FGGY: variants seen among roughly 807,000 people sequenced by gnomAD.
The protein encoded by FGGY is FGGY carbohydrate kinase domain-containing protein.
FGGY carries 72 observed loss-of-function variants against 71.3 expected under a neutral mutation model. That is an observed-to-expected ratio of 1.01 (90% CI 0.84 to 1.23). The LOEUF is 1.23. Ranked by LOEUF, FGGY falls within the 50% of genes most tolerant of loss-of-function variation. FGGY has a pLI of 0.00. For missense variants in FGGY, 668 were observed against 682.3 expected (o/e 0.98, Z 0.23); for synonymous variants, 251 against 250.3 (o/e 1.00, Z -0.02).
intron 8 of FGGY, among the ~76,000 whole-genome samples, chr1:59,598,824 T>C (rs544372854): frequency 6.6e-6 from 1 of 152,366 alleles, no homozygotes; most frequent in Admixed American, 6.5e-5. Flanking sequence ...GTCATTGTCC[T>C]GTTAATGATA....
intron 7 of FGGY, among the ~76,000 whole-genome samples, chr1:59,533,978 G>A (rs547908123): frequency 3.3e-5 from 5 of 152,346 alleles, no homozygotes; most frequent in African/African-American, 4.8e-5. Flanking sequence ...AAAGCTGGAC[G>A]GAGAATGACT....
At chr1:59,438,947 A>G (rs1015692023) in intron 5 of FGGY, among the ~76,000 whole-genome samples, 2 of 152,106 alleles carry the variant, frequency 1.3e-5, no homozygotes, top group Admixed American at 6.5e-5. Context: ...ACGGTTCTGC[A>G]TCTTTGTCTA....
intron 6 of FGGY, among the ~76,000 whole-genome samples, chr1:59,465,312 A>G (rs2153531580): frequency 6.6e-6 from 1 of 152,026 alleles, no homozygotes. Flanking sequence ...TTAACAGTAC[A>G]TAATGCTAAA....
chr1:59,667,526 T>G, intron 13 of FGGY, 123 bp downstream of exon 13: 5 of 1,213,902 alleles, frequency 4.1e-6, no homozygotes, highest in Non-Finnish European at 5.8e-6. Context: ...AGAATAATCC[T>G]GAAGTCTTTA....
chr1:59,756,227 C>A (rs781599596), intron 14 of FGGY, among the ~76,000 whole-genome samples: 5 of 152,152 alleles, frequency 3.3e-5, no homozygotes, highest in Non-Finnish European at 4.4e-5. Context: ...TAAAAAAAAT[C>A]TCCTCCCTAC....
chr1:59,325,053 A>G (rs2047132412), intron 2 of FGGY, among the ~76,000 whole-genome samples: 1 of 152,086 alleles, frequency 6.6e-6, no homozygotes, highest in South Asian at 2.1e-4. Flanking sequence ...CCCAACTCCC[A>G]CCTTATAAAG....
chr1:59,435,694 G>A (rs1310472164), intron 5 of FGGY, among the ~76,000 whole-genome samples: 1 of 151,860 alleles, frequency 6.6e-6, no homozygotes, highest in Non-Finnish European at 1.5e-5. Context: ...GGCCTACTGG[G>A]TCACTTTCTT....
At chr1:59,348,826 A>T (rs1254993853) in intron 4 of FGGY, among the ~76,000 whole-genome samples, 1 of 152,204 alleles carries the variant, frequency 6.6e-6, no homozygotes, top group African/African-American at 2.4e-5. Context: ...GTGGTTGCTA[A>T]GAGTTTGAAA....
At chr1:59,612,115 A>G (rs2096689377) in intron 9 of FGGY, among the ~76,000 whole-genome samples, 1 of 152,222 alleles carries the variant, frequency 6.6e-6, no homozygotes, top group Non-Finnish European at 1.5e-5. Flanking sequence ...AGCTAGGCAG[A>G]CCAACATTCA....
At chr1:59,404,469 A>G (rs1008469399) in intron 5 of FGGY, among the ~76,000 whole-genome samples, 7 of 152,236 alleles carry the variant, frequency 4.6e-5, no homozygotes, top group African/African-American at 1.4e-4. Context: ...ATTATTTAGT[A>G]GGGTATAGAG....
At chr1:59,380,160 G>T (rs1039102337) in intron 5 of FGGY, among the ~76,000 whole-genome samples, 10 of 151,436 alleles carry the variant, frequency 6.6e-5, no homozygotes, top group Middle Eastern at 6.8e-3. Flanking sequence ...ATTCCATGGT[G>T]TATATGTGCC....
chr1:59,709,471 C>T (rs889841401), intron 14 of FGGY, among the ~76,000 whole-genome samples: 4 of 150,594 alleles, frequency 2.7e-5, no homozygotes, highest in Non-Finnish European at 5.9e-5. Flanking sequence ...CTATATCACA[C>T]ACACACACAC....
At chr1:59,449,401 A>G (rs1251033104) in intron 5 of FGGY, among the ~76,000 whole-genome samples, 2 of 152,170 alleles carry the variant, frequency 1.3e-5, no homozygotes, top group Non-Finnish European at 2.9e-5. Context: ...CTCCTGCCTC[A>G]GCCTCCTGAG....
At position 59,590,487 on chromosome 1, in the gene FGGY, A is replaced by C. The variant is rs545053806; in HGVS notation, c.904-17316A>C. Reference sequence around the variant, plus strand: ...AAAGCCTGGCAGAGACACAACCAAAAAAGAGAATTTTAGACCAATATCCTT... The same window carrying C: ...AAAGCCTGGCAGAGACACAACCAAACAAGAGAATTTTAGACCAATATCCTT... On this transcript the variant is annotated intron_variant, in intron 8 of 15. Coordinates refer to ENST00000303721, the MANE Select transcript of FGGY (RefSeq NM_018291.5). Among the ~76,000 whole-genome samples the C allele has an allele frequency of 2.6e-5, 4 of 152,310 alleles. No individual in the cohort carries two copies. In the East Asian group the frequency reaches 7.7e-4, roughly 29 times the overall value.
intron 4 of FGGY, among the ~76,000 whole-genome samples, chr1:59,346,806 T>A (rs187172661): frequency 1.4e-4 from 22 of 152,236 alleles, no homozygotes; most frequent in African/African-American, 4.6e-4. Context: ...CATTTTTTTT[T>A]AATTTTAAAA....
chr1:59,574,957 A>G (rs2096054256), intron 8 of FGGY, among the ~76,000 whole-genome samples: 1 of 152,180 alleles, frequency 6.6e-6, no homozygotes, highest in African/African-American at 2.4e-5. Flanking sequence ...GTTTTTAAAA[A>G]GTGTATGTTA....
At chr1:59,673,709 G>A (rs780649111) in intron 13 of FGGY, 41 of 276,604 alleles carry the variant, frequency 1.5e-4, no homozygotes, top group Non-Finnish European at 2.2e-4. Context: ...CCAGCAGAGC[G>A]CTTAATAAAC....
At chr1:59,547,809 C>T (rs576160636) in intron 7 of FGGY, among the ~76,000 whole-genome samples, 5 of 152,306 alleles carry the variant, frequency 3.3e-5, no homozygotes, top group Admixed American at 2.6e-4. Flanking sequence ...ATTTAAGACA[C>T]GGAGCCTTTG....
At chr1:59,405,270 C>A (rs537958315) in intron 5 of FGGY, among the ~76,000 whole-genome samples, 2 of 152,156 alleles carry the variant, frequency 1.3e-5, no homozygotes, top group African/African-American at 2.4e-5. Context: ...TTGTTAATGG[C>A]ATAAGAAATG....
Sources: allele counts gnomAD v4.1 joint callset (sites outside exome capture counted in the v4.1 genomes callset), GRCh38; gene constraint gnomAD v4.1.1; transcripts MANE v1.5; gene names NCBI Gene and HGNC (gene_info 2026-07-23, HGNC 2026-07-21).